SPRR2G: variants seen among roughly 807,000 people sequenced by gnomAD.
The protein encoded by SPRR2G is small proline-rich protein 2G.
SPRR2G carries 1 observed loss-of-function variant against 0.7 expected under a neutral mutation model. The ratio of observed to expected loss-of-function variants is 1.49; its 90% CI spans 0.53 to 7.06. The LOEUF is 7.06. Ranked by LOEUF, SPRR2G falls within the 30% of genes most tolerant of loss-of-function variation. SPRR2G has a pLI of 0.14. For synonymous variants in SPRR2G, 38 were observed against 33.9 expected, an observed-to-expected ratio of 1.12 and a Z score of -0.42; for missense variants, 96 against 88.5, an observed-to-expected ratio of 1.09 and a Z score of -0.34.
chr1:153,156,401 T>C, the SPRR2G span, among the ~76,000 whole-genome samples: 3 of 152,226 alleles, frequency 2.0e-5, no homozygotes, highest in African/African-American at 7.2e-5. Context: ...TGCATGTGAT[T>C]GCTGAATAAC....
chr1:153,174,386 C>G, the SPRR2G span: 1 of 152,280 alleles, frequency 6.6e-6, no homozygotes, highest in South Asian at 2.1e-4. Flanking sequence ...TGAGGCTAAG[C>G]ATATAGGGGA....
the SPRR2G span, among the ~76,000 whole-genome samples, chr1:153,197,183 T>TA: frequency 6.9e-6 from 1 of 145,470 alleles, no homozygotes; most frequent in Non-Finnish European, 1.5e-5. Flanking sequence ...TGTGTGTATG[T>TA]TGGAGGATGA....
chr1:153,203,218 T>C, the SPRR2G span, among the ~76,000 whole-genome samples: 1 of 151,924 alleles, frequency 6.6e-6, no homozygotes, highest in East Asian at 1.9e-4. Context: ...AGCCCAGGAC[T>C]CTTCACTGCA....
At chr1:153,177,617 G>A in the SPRR2G span, among the ~76,000 whole-genome samples, 2 of 152,006 alleles carry the variant, frequency 1.3e-5, no homozygotes, top group Non-Finnish European at 2.9e-5. Flanking sequence ...GATTTCACAT[G>A]CTTTTTGGTC....
At chr1:153,182,123 G>C in the SPRR2G span, among the ~76,000 whole-genome samples, 1 of 152,002 alleles carries the variant, frequency 6.6e-6, no homozygotes, top group Non-Finnish European at 1.5e-5. Context: ...TGGAGTGAGA[G>C]GATATCTCAC....
upstream of SPRR2G, among the ~76,000 whole-genome samples, chr1:153,154,085 T>C (rs180974060): frequency 4.6e-4 from 70 of 152,266 alleles, no homozygotes; most frequent in African/African-American, 1.6e-3. Context: ...TCATACAATT[T>C]GTATCCTTTA....
At chr1:153,160,645 A>T in the SPRR2G span, among the ~76,000 whole-genome samples, 21 of 152,120 alleles carry the variant, frequency 1.4e-4, no homozygotes, top group African/African-American at 5.1e-4. Context: ...TGTTGGTGGG[A>T]CTGTAAACTA....
At chr1:153,169,985 C>A in the SPRR2G span, among the ~76,000 whole-genome samples, 5 of 152,150 alleles carry the variant, frequency 3.3e-5, no homozygotes. Context: ...CATCATTCTT[C>A]AGTTCACAGT....
chr1:153,180,015 C>G, the SPRR2G span, among the ~76,000 whole-genome samples: 9 of 152,162 alleles, frequency 5.9e-5, no homozygotes, highest in African/African-American at 1.9e-4. Context: ...CTGACTTCAT[C>G]ATATCTTTCT....
the SPRR2G span, among the ~76,000 whole-genome samples, chr1:153,187,959 C>T: frequency 6.6e-6 from 1 of 152,082 alleles, no homozygotes; most frequent in East Asian, 1.9e-4. Context: ...ACAGTCAGGC[C>T]CCTCTTCTGC....
upstream of SPRR2G, among the ~76,000 whole-genome samples, chr1:153,154,982 C>G (rs16834995): frequency 0.019 from 2,859 of 152,250 alleles, 93 homozygotes; most frequent in African/African-American, 0.065. Context: ...AGAGTCTCTA[C>G]TTACTGGTTT....
At chr1:153,192,861 T>G in the SPRR2G span, among the ~76,000 whole-genome samples, 7 of 152,162 alleles carry the variant, frequency 4.6e-5, no homozygotes, top group Non-Finnish European at 7.3e-5. Context: ...CCATCCATCA[T>G]CCACTGTCCG....
At chr1:153,164,125 G>C in the SPRR2G span, among the ~76,000 whole-genome samples, 1 of 152,130 alleles carries the variant, frequency 6.6e-6, no homozygotes, top group African/African-American at 2.4e-5. Flanking sequence ...TCAAGTAACA[G>C]GTTTTACATG....
the SPRR2G span, among the ~76,000 whole-genome samples, chr1:153,156,474 C>T: frequency 5.6e-4 from 86 of 152,296 alleles, no homozygotes; most frequent in African/African-American, 1.7e-3. Context: ...AATTTTAAGA[C>T]GCTGACATTG....
the SPRR2G span, among the ~76,000 whole-genome samples, chr1:153,169,681 GCC>G: frequency 6.6e-6 from 1 of 152,108 alleles, no homozygotes; most frequent in Non-Finnish European, 1.5e-5. Flanking sequence ...GAAAACTTCA[GCC>G]TTCCATCATG....
At chr1:153,181,754 C>T in the SPRR2G span, among the ~76,000 whole-genome samples, 1 of 151,366 alleles carries the variant, frequency 6.6e-6, no homozygotes, top group South Asian at 2.1e-4. Flanking sequence ...ATATGATTTC[C>T]TTATTTTTAT....
chr1:153,195,060 C>G, the SPRR2G span, among the ~76,000 whole-genome samples: 2 of 152,178 alleles, frequency 1.3e-5, no homozygotes, highest in African/African-American at 4.8e-5. Context: ...GCAGCAGTGC[C>G]AGATCCCCTG....
chr1:153,196,254 G>A, the SPRR2G span, among the ~76,000 whole-genome samples: 1 of 152,146 alleles, frequency 6.6e-6, no homozygotes, highest in African/African-American at 2.4e-5. Context: ...CACTGTTACA[G>A]CCTTTGATTT....
At chr1:153,199,065 T>C in the SPRR2G span, among the ~76,000 whole-genome samples, 1 of 152,220 alleles carries the variant, frequency 6.6e-6, no homozygotes, top group African/African-American at 2.4e-5. Context: ...CCCTGAACCA[T>C]GTCCATGAGG....
Sources: allele counts gnomAD v4.1 joint callset (sites outside exome capture counted in the v4.1 genomes callset), GRCh38; gene constraint gnomAD v4.1.1; transcripts MANE v1.5; gene names NCBI Gene and HGNC (gene_info 2026-07-23, HGNC 2026-07-21).